The following CBFA2T3 variants were observed in gnomAD, a reference collection of about 807,000 sequenced individuals.
CBFA2T3 encodes the protein transcriptional corepressor CBFA2T3.
A neutral mutation model predicts 58.6 loss-of-function variants in CBFA2T3; 31 were observed. The ratio of observed to expected loss-of-function variants is 0.53; its 90% confidence interval spans 0.40 to 0.71. CBFA2T3 has a LOEUF of 0.71. Ranked by LOEUF, CBFA2T3 falls within the 30% of genes least tolerant of loss-of-function variation. The probability of loss-of-function intolerance (pLI) is 0.00; values close to 1 mark genes in which losing one functional copy is unlikely to be tolerated. For missense variants in CBFA2T3, 1,076 were observed against 963.1 expected, an observed-to-expected ratio of 1.12 and a Z score of -1.55; for synonymous variants, 531 against 421.9, an observed-to-expected ratio of 1.26 and a Z score of -3.17.
chr16:88,942,941 G>T lies in CBFA2T3; in HGVS notation c.151+33716C>A, dbSNP rs493485. On this transcript the variant is annotated intron_variant, in intron 1 of 11. Transcript: ENST00000268679. ...CTGAGCCCACCCCACAGTACAGTGCGAGTCCCCATGCGGTGGGTGTGTTGC... is the reference window on the plus strand; with the variant it reads ...CTGAGCCCACCCCACAGTACAGTGCTAGTCCCCATGCGGTGGGTGTGTTGC... Among the ~76,000 whole-genome samples the T allele has an allele frequency of 3.7e-3, 558 of 152,322 alleles. 4 individuals carry two copies. The highest frequency in any genetic ancestry group is 0.012 in the African/African-American group (517 of 41,550).
At chr16:88,920,490 G>A (rs1970876795) in intron 1 of CBFA2T3, among the ~76,000 whole-genome samples, 1 of 149,438 alleles carries the variant, frequency 6.7e-6, no homozygotes. Flanking sequence ...TCACCATGTT[G>A]GCCAGGCTGG....
intron 1 of CBFA2T3, among the ~76,000 whole-genome samples, chr16:88,910,130 G>A (rs1970482769): frequency 6.6e-6 from 1 of 152,372 alleles, no homozygotes; most frequent in South Asian, 2.1e-4. Flanking sequence ...CGCCTGTGCT[G>A]TGCCTCGGTC....
chr16:88,963,883 C>T (rs756788787), intron 1 of CBFA2T3, among the ~76,000 whole-genome samples: 10 of 152,328 alleles, frequency 6.6e-5, no homozygotes, highest in Admixed American at 1.3e-4. Flanking sequence ...GCCACACGGG[C>T]GTGGGTTCCT....
intron 7 of CBFA2T3, among the ~76,000 whole-genome samples, chr16:88,883,080 A>G (rs62050164): frequency 0.02 from 2,995 of 152,300 alleles, 43 homozygotes; most frequent in South Asian, 0.04. Context: ...GTCACCAGGC[A>G]GGGAGCGGTG....
At position 88,888,858 on chromosome 16, in the gene CBFA2T3, G is replaced by T. The variant is rs1033556505; in HGVS notation, c.712-2716C>A. Among the ~76,000 whole-genome samples, 53 of 151,962 alleles carry T rather than the reference G, an allele frequency of 3.5e-4. 1 individual carries two copies. The highest frequency in any genetic ancestry group is 1.3e-3 in the African/African-American group (52 of 41,456). ...GAGCTCCAGCTACCCCACACAGGCC[G>T]TGGGATCCCCTGTGTACCAAGGGGA... On this transcript the variant is annotated intron_variant, in intron 5 of 11. Coordinates refer to ENST00000268679, the MANE Select transcript of CBFA2T3 (RefSeq NM_005187.6).
At chr16:88,884,901 A>C in intron 7 of CBFA2T3, 145 bp downstream of exon 7, 17 of 613,174 alleles carry the variant, frequency 2.8e-5, no homozygotes, top group Non-Finnish European at 4.4e-5. Context: ...TCCAGGGGGA[A>C]TGCCAGGCAG....
chr16:88,922,103 G>C lies in CBFA2T3; in HGVS notation c.152-20447C>G, dbSNP rs542170942. Among the ~76,000 whole-genome samples, 8 of 152,364 alleles carry C rather than the reference G, an allele frequency of 5.3e-5. No homozygotes were observed. In the East Asian group the frequency reaches 1.5e-3, roughly 29 times the overall value. Reference sequence around the variant, plus strand: ...ACGTGTCGTGGCCAGGACATCCCGGGAGCTGGGTTCAATGGCTGAGGCTGG... The same window carrying C: ...ACGTGTCGTGGCCAGGACATCCCGGCAGCTGGGTTCAATGGCTGAGGCTGG... On this transcript the variant is annotated intron_variant, in intron 1 of 11. Coordinates refer to ENST00000268679, the MANE Select transcript of CBFA2T3 (RefSeq NM_005187.6).
At chr16:88,882,557 T>C (rs1189482421) in intron 8 of CBFA2T3, 119 bp downstream of exon 8, 13 of 655,806 alleles carry the variant, frequency 2.0e-5, no homozygotes, top group Middle Eastern at 8.1e-4. Flanking sequence ...GGTGTGGCTG[T>C]GTGTGGGCAT....
Position 88,892,300 on chromosome 16 carries a change from T to G in CBFA2T3, c.565A>C (p.Ser189Arg). Residue 189 changes from serine (S) to arginine (R), a missense_variant, in exon 4 of 12, where the codon AGC (serine) becomes CGC (arginine). Physicochemically the swap from Ser to Arg is moderately radical, Grantham distance 110. Transcript: ENST00000268679. Reference protein sequence around the residue: ...RFLTTLQQFGSDISPEIGERV... With the variant: ...RFLTTLQQFGRDISPEIGERV... ...TCCCCAATCTCTGGGGAGATGTCGCTGCCAAACTGCTGCAGTGTGGTGAGG... is the reference window on the plus strand; with the variant it reads ...TCCCCAATCTCTGGGGAGATGTCGCGGCCAAACTGCTGCAGTGTGGTGAGG... 1 of 1,612,838 alleles carries G rather than the reference T, an allele frequency of 6.2e-7. No individual in the cohort carries two copies. Among genetic ancestry groups the G allele is most frequent in the South Asian group, 1.1e-5 (1 of 91,056 alleles).
intron 1 of CBFA2T3, among the ~76,000 whole-genome samples, chr16:88,918,500 G>A (rs576589758): frequency 1.2e-3 from 182 of 152,338 alleles, no homozygotes; most frequent in African/African-American, 4.2e-3. Context: ...TGGGGCTCCC[G>A]CCCCTCCAGA....
rs766148543 is a variant in CBFA2T3, at chr16:88,891,927, C to T, written c.666G>A (p.Glu222=). 9.3e-6 allele frequency: 15 copies of T among 1,613,374 alleles called. No individual in the cohort carries two copies. Among genetic ancestry groups the T allele is most frequent in the Middle Eastern group, 1.7e-4 (1 of 6,024 alleles). The part of the protein sequence containing the change: ...TIEEFHSKLQ[E]ATNFPLRPFV... ...ACGGCCGCAGAGGGAAGTTGGTGGC[C>T]TCCTGAAGCTTGGAATGAAACTCCT... Residue 222 remains glutamate, a synonymous_variant, in exon 5 of 12, where the codon GAG becomes GAA. Coordinates refer to ENST00000268679, the MANE Select transcript of CBFA2T3 (RefSeq NM_005187.6).
intron 1 of CBFA2T3, among the ~76,000 whole-genome samples, chr16:88,912,720 C>T (rs150235975): frequency 6.6e-6 from 1 of 152,236 alleles, no homozygotes; most frequent in Non-Finnish European, 1.5e-5. Context: ...CGCATAAGGA[C>T]AAAGCCCCCT....
intron 1 of CBFA2T3, among the ~76,000 whole-genome samples, chr16:88,904,966 G>A (rs531017361): frequency 1.3e-5 from 2 of 152,334 alleles, no homozygotes; most frequent in African/African-American, 4.8e-5. Context: ...GCCGGGACCT[G>A]CTCCTGGCGC....
At chr16:88,973,172 C>T (rs964853050) in intron 1 of CBFA2T3, among the ~76,000 whole-genome samples, 3 of 152,266 alleles carry the variant, frequency 2.0e-5, no homozygotes, top group Admixed American at 1.3e-4. Flanking sequence ...CCGGGGCTGC[C>T]TGCAGCCTCT....
intron 9 of CBFA2T3, chr16:88,881,042 G>C (rs753015319): frequency 1.4e-6 from 1 of 702,670 alleles, no homozygotes; most frequent in South Asian, 1.5e-5. Flanking sequence ...GTCAGCATTC[G>C]TCGCTGAGGC....
At chr16:88,915,182 C>T (rs1209060493) in intron 1 of CBFA2T3, among the ~76,000 whole-genome samples, 3 of 122,716 alleles carry the variant, frequency 2.4e-5, no homozygotes, top group East Asian at 2.6e-4. Flanking sequence ...CTGGGGGTGC[C>T]GCCAGGTGGT....
At chr16:88,918,407 G>A (rs1040850438) in intron 1 of CBFA2T3, among the ~76,000 whole-genome samples, 2 of 152,220 alleles carry the variant, frequency 1.3e-5, no homozygotes, top group African/African-American at 4.8e-5. Flanking sequence ...GGCTGTGGCT[G>A]CCCCTGGGAC....
intron 7 of CBFA2T3, chr16:88,884,788 C>G (rs556607063): frequency 2.4e-6 from 1 of 415,704 alleles, no homozygotes; most frequent in East Asian, 3.9e-5. Flanking sequence ...TCGCCAAGCT[C>G]GGATGAGAAC....
intron 8 of CBFA2T3, 39 bp downstream of exon 8, chr16:88,882,637 G>C (rs979880971): frequency 5.9e-6 from 8 of 1,360,134 alleles, no homozygotes; most frequent in Middle Eastern, 2.1e-4. Context: ...TGTGCGCCTG[G>C]GCATGGCTGT....
Sources: gnomAD v4.1 joint callset for allele counts (sites outside exome capture counted in the v4.1 genomes callset) on GRCh38, gnomAD v4.1.1 for gene constraint, MANE v1.5 for transcripts, NCBI Gene and HGNC (gene_info 2026-07-23, HGNC 2026-07-21) for gene names.